Variants in CHD1 observed in about 807,000 individuals in gnomAD.
CHD1 encodes the protein chromodomain helicase DNA binding protein 1.
A neutral mutation model predicts 224.2 loss-of-function variants in CHD1; 36 were observed. That is an observed-to-expected ratio of 0.16 (90% CI 0.12 to 0.21). The LOEUF (loss-of-function observed/expected upper bound fraction) is 0.21, where lower values mean the gene tolerates loss of function less well. Among genes scored for constraint, CHD1 ranks in the 10% least tolerant of loss-of-function variants. The probability of loss-of-function intolerance (pLI) is 1.00; values close to 1 mark genes in which losing one functional copy is unlikely to be tolerated. For missense variants in CHD1, 1,378 were observed against 1,994.8 expected, an observed-to-expected ratio of 0.69 and a Z score of 5.89; for synonymous variants, 668 against 658.3, an observed-to-expected ratio of 1.01 and a Z score of -0.23.
At chr5:98,904,552 A>G (rs1751927636) in intron 3 of CHD1, among the ~76,000 whole-genome samples, 1 of 152,236 alleles carries the variant, frequency 6.6e-6, no homozygotes, top group African/African-American at 2.4e-5. Flanking sequence ...TTGAAAGTAG[A>G]GATCATAACA....
In CHD1 at chr5:98,863,397, G is replaced by T. The variant is rs1561480012; in HGVS notation, c.4427+11C>A. On this transcript the variant is annotated intron_variant, in intron 32 of 35. Coordinates refer to ENST00000614616, the MANE Select transcript of CHD1 (RefSeq NM_001270.4). ...ATAAATTTAACACTTCCTGAAAAGT[G>T]TATCACTTACTTTCTCCATTGCTTA... 2 of 1,459,822 alleles carry T rather than the reference G, an allele frequency of 1.4e-6. No individual in the cohort carries two copies. Among genetic ancestry groups the T allele is most frequent in the Non-Finnish European group, 1.8e-6 (2 of 1,086,990 alleles). The allele number at this position is 1,459,822 out of a possible 1,614,324, so 90.4% of individuals were successfully genotyped here.
At chr5:98,917,963 C>G (rs1390569939) in intron 2 of CHD1, among the ~76,000 whole-genome samples, 1 of 152,190 alleles carries the variant, frequency 6.6e-6, no homozygotes, top group African/African-American at 2.4e-5. Flanking sequence ...GTGGTTCCAA[C>G]CCATTCACGT....
At chr5:98,923,657 G>T (rs1753254899) in intron 2 of CHD1, among the ~76,000 whole-genome samples, 1 of 152,052 alleles carries the variant, frequency 6.6e-6, no homozygotes, top group South Asian at 2.1e-4. Flanking sequence ...CAGGTGATCT[G>T]CCTGCTCGGC....
intron 20 of CHD1, 77 bp downstream of exon 20, chr5:98,881,898 T>A (rs918264327): frequency 8.0e-7 from 1 of 1,246,168 alleles, no homozygotes; most frequent in Non-Finnish European, 1.1e-6. Context: ...TCCTCAATGA[T>A]CTACAGTGAT....
chr5:98,870,119 G>C (rs1385676867), intron 29 of CHD1, among the ~76,000 whole-genome samples: 1 of 152,088 alleles, frequency 6.6e-6, no homozygotes, highest in East Asian at 1.9e-4. Context: ...GGATCAGAGA[G>C]AAGTAGAAAC....
chr5:98,860,986 A>G (rs913472508), intron 32 of CHD1, among the ~76,000 whole-genome samples: 7 of 152,264 alleles, frequency 4.6e-5, no homozygotes, highest in Admixed American at 1.3e-4. Context: ...TTTTGTTCCT[A>G]AGTAAATTCC....
In CHD1 at chr5:98,872,133, T is replaced by C. The variant is rs1389859282; in HGVS notation, c.3779A>G (p.Asn1260Ser). The C allele has an allele frequency of 8.1e-6, 13 of 1,613,584 alleles. No individual in the cohort carries two copies. Among genetic ancestry groups the C allele is most frequent in the Non-Finnish European group, 1.0e-5 (12 of 1,179,672 alleles). ...ATATTCATAGATGCCAATTAACAAA[T>C]TGGAATCATCTTCTTTGCCCCAGTC... is the stretch of plus-strand genomic sequence containing the variant. ...DIDWGKEDDS[N>S]LLIGIYEYGY... The change falls in exon 28 of 36, where the codon AAT becomes AGT. Residue 1260 changes from asparagine (N) to serine (S), a missense_variant. Asn to Ser is a conservative substitution (Grantham distance 46). This residue lies in a region of CHD1 where 286 missense variants were observed against 445.1 expected (regional missense o/e 0.64). Transcript: ENST00000614616.
chr5:98,898,794 T>TA, intron 8 of CHD1, 30 bp from the exon 9 acceptor site: 1 of 1,207,372 alleles, frequency 8.3e-7, no homozygotes. Context: ...GGAATAGACT[T>TA]AAAAATCTCC....
At chr5:98,868,863 G>C in intron 30 of CHD1, 1 of 532,126 alleles carries the variant, frequency 1.9e-6, no homozygotes, top group Non-Finnish European at 2.8e-6. Context: ...AGAGTGTTCA[G>C]ACCTACTATT....
At chr5:98,902,480 G>A (rs1339068335) in intron 5 of CHD1, among the ~76,000 whole-genome samples, 9 of 151,976 alleles carry the variant, frequency 5.9e-5, no homozygotes, top group Non-Finnish European at 1.3e-4. Context: ...ATTACAGTGA[G>A]TTTCTAAAAT....
intron 2 of CHD1, among the ~76,000 whole-genome samples, chr5:98,905,727 C>A (rs1752007748): frequency 1.3e-5 from 2 of 152,246 alleles, no homozygotes; most frequent in South Asian, 4.1e-4. Flanking sequence ...AGCAATAAAT[C>A]TGAAATAGCA....
chr5:98,863,692 G>A, intron 31 of CHD1, 106 bp from the exon 32 acceptor site: 1 of 667,504 alleles, frequency 1.5e-6, no homozygotes, highest in Non-Finnish European at 2.4e-6. Flanking sequence ...TTATAACACT[G>A]TTTGATAGCA....
At chr5:98,869,997 G>T in intron 29 of CHD1, 115 bp from the exon 30 acceptor site, 2 of 693,296 alleles carry the variant, frequency 2.9e-6, no homozygotes, top group Non-Finnish European at 4.8e-6. Context: ...TAGTCTATTG[G>T]TAATAAGCTG....
chr5:98,866,532 A>C (rs1328286876), intron 31 of CHD1, among the ~76,000 whole-genome samples: 4 of 152,136 alleles, frequency 2.6e-5, no homozygotes, highest in Admixed American at 6.5e-5. Flanking sequence ...AAACAAATAT[A>C]ATTTTAGAAG....
At chr5:98,903,024 AT>A in intron 4 of CHD1, 60 bp from the exon 5 acceptor site, 1 of 1,031,844 alleles carries the variant, frequency 9.7e-7, no homozygotes, top group Non-Finnish European at 1.5e-6. Context: ...ACCATATTAA[AT>A]TTTTATTTGC....
chr5:98,898,142 A>C (rs896859520), intron 10 of CHD1, 114 bp downstream of exon 10: 1 of 518,062 alleles, frequency 1.9e-6, no homozygotes, highest in Non-Finnish European at 3.0e-6. Context: ...TTAACCAAGA[A>C]ATATTCTCCC....
At position 98,897,178 on chromosome 5, in the gene CHD1, T is replaced by G. The variant is rs780345565; in HGVS notation, c.1493+15A>C. On this transcript the variant is annotated intron_variant, in intron 11 of 35. Coordinates refer to ENST00000614616, the MANE Select transcript of CHD1 (RefSeq NM_001270.4). ...TACTCTGTCAAATTAAATAGATGAT[T>G]CAAAATATACTTACTTGCACCAAGA... 6.2e-7 allele frequency: 1 copy of G among 1,604,284 alleles called. No individual in the cohort carries two copies. The highest frequency in any genetic ancestry group is 1.1e-5 in the South Asian group (1 of 88,894).
At chr5:98,912,960 T>TA (rs1433890405) in intron 2 of CHD1, among the ~76,000 whole-genome samples, 3 of 152,204 alleles carry the variant, frequency 2.0e-5, no homozygotes, top group Admixed American at 1.3e-4. Flanking sequence ...TTAGCTGAAT[T>TA]AGATTCCAGT....
chr5:98,903,463 A>G (rs1751854501), intron 4 of CHD1, among the ~76,000 whole-genome samples: 1 of 137,778 alleles, frequency 7.3e-6, no homozygotes, highest in Non-Finnish European at 1.6e-5. Context: ...ATTTAATGAT[A>G]TAATATTCCT....
Sources: gnomAD v4.1 joint callset for allele counts (sites outside exome capture counted in the v4.1 genomes callset) on GRCh38, gnomAD v4.1.1 for gene constraint, gnomAD v4.1.1 regional missense constraint, MANE v1.5 for transcripts, NCBI Gene and HGNC (gene_info 2026-07-23, HGNC 2026-07-21) for gene names.